Variants in TRPC5 observed in about 807,000 individuals in gnomAD.
The protein encoded by TRPC5 is transient receptor potential cation channel subfamily C member 5.
Under a neutral mutation model 56.5 loss-of-function variants are expected in TRPC5, and 9 were observed. The observed-to-expected ratio is 0.16, with a 90% CI of 0.10 to 0.28. TRPC5 has a LOEUF of 0.28. TRPC5 is among the 10% of genes least tolerant of loss of function. The probability of loss-of-function intolerance (pLI) is 1.00; values close to 1 mark genes in which losing one functional copy is unlikely to be tolerated. For synonymous variants in TRPC5, 282 were observed against 278.5 expected (o/e 1.01, Z -0.13); for missense variants, 469 against 748.9 (o/e 0.63, Z 4.36).
chrX:112,036,956 GAGAA>G (rs1929758887), intron 1 of TRPC5, among the ~76,000 whole-genome samples: 1 of 111,499 alleles, frequency 9.0e-6, no homozygotes, highest in Non-Finnish European at 1.9e-5. Flanking sequence ...GCTGAGTAGT[GAGAA>G]AGACTCTACT....
chrX:111,889,396 G>C (rs7885976), intron 3 of TRPC5, among the ~76,000 whole-genome samples: 11,400 of 111,824 alleles, frequency 0.1, 1,360 homozygotes, highest in African/African-American at 0.34. Context: ...TGTTCCCATT[G>C]AGTGAGCCTG....
chrX:111,864,230 C>T (rs756839874), intron 3 of TRPC5, among the ~76,000 whole-genome samples: 36 of 111,486 alleles, frequency 3.2e-4, no homozygotes, highest in South Asian at 3.8e-4. Context: ...CCTCCTGATC[C>T]GCAGGCCTCC....
At chrX:111,957,988 G>A (rs996112240) in intron 1 of TRPC5, among the ~76,000 whole-genome samples, 6 of 111,919 alleles carry the variant, frequency 5.4e-5, no homozygotes, top group Non-Finnish European at 1.1e-4. Context: ...GTTGATAAGA[G>A]TTTCCTACAT....
chrX:112,004,511 C>T (rs907358395), intron 1 of TRPC5, among the ~76,000 whole-genome samples: 1 of 112,171 alleles, frequency 8.9e-6, no homozygotes, highest in East Asian at 2.8e-4. Context: ...CATTTGGAAA[C>T]TTGAGGAGAG....
intron 6 of TRPC5, among the ~76,000 whole-genome samples, chrX:111,838,858 G>A (rs1157740540): frequency 1.8e-5 from 2 of 111,685 alleles, no homozygotes; most frequent in African/African-American, 6.5e-5. Context: ...TTTGAGATGA[G>A]GAATTACCCT....
At chrX:111,927,735 G>C (rs778877267) in intron 2 of TRPC5, among the ~76,000 whole-genome samples, 1 of 110,556 alleles carries the variant, frequency 9.0e-6, no homozygotes, top group Non-Finnish European at 1.9e-5. Flanking sequence ...ATTATCATCA[G>C]AATAAAAATT....
At chrX:111,868,396 T>C (rs760199940) in intron 3 of TRPC5, among the ~76,000 whole-genome samples, 32 of 112,483 alleles carry the variant, frequency 2.8e-4, no homozygotes, top group Admixed American at 4.7e-4. Flanking sequence ...AGAAAAGCAT[T>C]AGGATAAAAA....
chrX:111,937,135 A>C (rs892168309), intron 2 of TRPC5, among the ~76,000 whole-genome samples: 1 of 106,177 alleles, frequency 9.4e-6, no homozygotes, highest in African/African-American at 3.7e-5. Context: ...GGCTGCATAA[A>C]TGTCTTCTTT....
At chrX:112,056,975 G>A (rs993534055) in intron 1 of TRPC5, among the ~76,000 whole-genome samples, 1 of 112,336 alleles carries the variant, frequency 8.9e-6, no homozygotes, top group Non-Finnish European at 1.9e-5. Flanking sequence ...CCTGTAGATA[G>A]CTGTGCAACC....
intron 7 of TRPC5, among the ~76,000 whole-genome samples, chrX:111,816,438 C>T (rs1417784643): frequency 8.9e-6 from 1 of 112,098 alleles, no homozygotes; most frequent in Non-Finnish European, 1.9e-5. Flanking sequence ...AAGTTGCAAG[C>T]AAATTGGTGA....
At chrX:111,897,151 T>A (rs1439188326) in intron 3 of TRPC5, among the ~76,000 whole-genome samples, 1 of 111,582 alleles carries the variant, frequency 9.0e-6, no homozygotes, top group African/African-American at 3.3e-5. Flanking sequence ...TCCTAAGATA[T>A]CTCATTATGT....
intron 3 of TRPC5, among the ~76,000 whole-genome samples, chrX:111,898,644 T>A (rs937899313): frequency 9.0e-6 from 1 of 110,729 alleles, no homozygotes; most frequent in Non-Finnish European, 1.9e-5. Context: ...CTTAGTCTCA[T>A]GACAATTACA....
chrX:111,849,365 T>G (rs930691364), intron 5 of TRPC5, among the ~76,000 whole-genome samples: 1 of 112,480 alleles, frequency 8.9e-6, no homozygotes, highest in East Asian at 2.8e-4. Flanking sequence ...AGCATAGAGG[T>G]TGGCAAACTT....
chrX:111,983,333 T>C (rs1928130104), intron 1 of TRPC5, among the ~76,000 whole-genome samples: 1 of 111,424 alleles, frequency 9.0e-6, no homozygotes, highest in African/African-American at 3.3e-5. Flanking sequence ...ATGACCACTT[T>C]CTTCATAAAC....
rs188314538 is a variant in TRPC5, at chrX:111,962,045, G to A, written c.-21-9604C>T. On this transcript the variant is annotated intron_variant, in intron 1 of 10. Coordinates refer to ENST00000262839, the MANE Select transcript of TRPC5 (RefSeq NM_012471.3). ...TGGGAACTAAACAGTGGACACACAT[G>A]AACATAAAGATGGAAATAATAGACA... 6.6e-3 allele frequency among the ~76,000 whole-genome samples: 707 copies of A among 107,269 alleles called. 2 individuals are homozygous for A. Among genetic ancestry groups the A allele is most frequent in the Non-Finnish European group, 9.6e-3 (502 of 52,251 alleles). The allele number at this position is 107,269 out of a possible 115,157, so 93.2% of individuals were successfully genotyped here. A position where few individuals can be genotyped will look rare whatever the true frequency, so the allele number is the denominator to read the frequency against.
intron 3 of TRPC5, among the ~76,000 whole-genome samples, chrX:111,911,411 T>C (rs1173853745): frequency 8.9e-6 from 1 of 112,407 alleles, no homozygotes; most frequent in Non-Finnish European, 1.9e-5. Flanking sequence ...GCCCTGAAAA[T>C]AGGAGTGAGT....
At chrX:111,804,799 A>AGG (rs1921444671) in intron 7 of TRPC5, among the ~76,000 whole-genome samples, 1 of 111,788 alleles carries the variant, frequency 8.9e-6, no homozygotes, top group Non-Finnish European at 1.9e-5. Flanking sequence ...CTGCAAAGAC[A>AGG]CACAATTTGA....
chrX:112,032,237 C>A (rs779442765), intron 1 of TRPC5, among the ~76,000 whole-genome samples: 1 of 109,375 alleles, frequency 9.1e-6, no homozygotes, highest in South Asian at 3.9e-4. Flanking sequence ...TCAAAAAAAT[C>A]AAAAGACAAC....
chrX:111,997,015 T>C (rs1928555344), intron 1 of TRPC5, among the ~76,000 whole-genome samples: 1 of 111,522 alleles, frequency 9.0e-6, no homozygotes, highest in South Asian at 3.8e-4. Flanking sequence ...GTTAATATTA[T>C]TATGTGTGAA....
Sources: gnomAD v4.1 joint callset for allele counts (sites outside exome capture counted in the v4.1 genomes callset) on GRCh38, gnomAD v4.1.1 for gene constraint, MANE v1.5 for transcripts, NCBI Gene and HGNC (gene_info 2026-07-23, HGNC 2026-07-21) for gene names.